SEMA3D: variants seen among roughly 807,000 people sequenced by gnomAD.
The protein encoded by SEMA3D is semaphorin-3D.
In SEMA3D, 84 loss-of-function variants were observed where a neutral mutation model predicts 100.1. The ratio of observed to expected loss-of-function variants is 0.84; its 90% CI spans 0.70 to 1.01. The LOEUF (loss-of-function observed/expected upper bound fraction) is 1.01, where lower values mean the gene tolerates loss of function less well. Ranked by LOEUF, SEMA3D falls within the 50% of genes least tolerant of loss-of-function variation. The pLI is 0.00. For missense variants in SEMA3D, 875 were observed against 934.1 expected, an observed-to-expected ratio of 0.94 and a Z score of 0.82; for synonymous variants, 312 against 320.7, an observed-to-expected ratio of 0.97 and a Z score of 0.29.
intron 4 of SEMA3D, among the ~76,000 whole-genome samples, chr7:85,095,072 C>A (rs901075810): frequency 2.0e-5 from 3 of 151,934 alleles, no homozygotes; most frequent in Non-Finnish European, 4.4e-5. Context: ...CCCCAAAAAT[C>A]TAATTAATTT....
At chr7:85,163,008 C>T (rs900489434) in intron 1 of SEMA3D, 32 of 928,306 alleles carry the variant, frequency 3.4e-5, no homozygotes, top group South Asian at 1.0e-4. Context: ...GGTGAGCTAA[C>T]GAGAAGGAAA....
intron 3 of SEMA3D, among the ~76,000 whole-genome samples, chr7:85,109,597 A>T (rs1278660693): frequency 6.6e-6 from 1 of 152,002 alleles, no homozygotes. Flanking sequence ...CCTCTTTTGA[A>T]TTAGTTGGAT....
At chr7:85,083,211 G>A (rs1050673410) in intron 4 of SEMA3D, among the ~76,000 whole-genome samples, 1 of 152,172 alleles carries the variant, frequency 6.6e-6, no homozygotes, top group Non-Finnish European at 1.5e-5. Flanking sequence ...AATGGGAAAC[G>A]AGGGGAAGGA....
Position 85,040,683 on chromosome 7 carries a change from T to C in SEMA3D, c.1036A>G (p.Thr346Ala), listed in dbSNP as rs762125454. 1.2e-5 allele frequency: 18 copies of C among 1,463,462 alleles called. No homozygotes were observed. In the East Asian group the frequency reaches 1.4e-4, roughly 11 times the overall value. The allele number at this position is 1,463,462 out of a possible 1,614,324, so 90.7% of individuals were successfully genotyped here. The change falls in exon 11 of 19, where the codon ACT (threonine) becomes GCT (alanine). Residue 346 changes from threonine to alanine, a missense_variant. By Grantham distance (58) the Thr-to-Ala change is moderately conservative (BLOSUM62 0). Coordinates refer to ENST00000284136, the MANE Select transcript of SEMA3D (RefSeq NM_001384900.1). ...TTTTGTTGAACATACCTGGTTGTAG[T>C]AAAGACTCCATATACTACAGGATTT... ...ERNPVVYGVF[T>A]TTSSIFKGSA...
rs1448935583 is a variant in SEMA3D, at chr7:84,998,999, A to G, written c.*441T>C. On this transcript the variant is annotated 3_prime_UTR_variant, in exon 19 of 19. Transcript: ENST00000284136. The stretch of plus-strand genomic sequence containing the variant: ...ATTTGTGTCTGACCTCTTATTCCCT[A>G]CCACAAGGTAGCTGGTTCTCAATAG... 6.2e-6 allele frequency: 1 copy of G among 160,676 alleles called. No individual in the cohort carries two copies. The allele number at this position is 160,676 out of a possible 1,614,324, so 10.0% of individuals were successfully genotyped here.
chr7:85,029,538 T>G (rs1790486749), intron 12 of SEMA3D: 2 of 578,408 alleles, frequency 3.5e-6, no homozygotes, highest in Non-Finnish European at 6.5e-6. Flanking sequence ...AATTTGAACA[T>G]GCACAGCAAG....
chr7:85,246,861 T>C, the SEMA3D span, among the ~76,000 whole-genome samples: 1 of 151,882 alleles, frequency 6.6e-6, no homozygotes, highest in African/African-American at 2.4e-5. Context: ...GCATCTTAAT[T>C]TTCTTGCCAC....
chr7:85,055,788 A>T lies in SEMA3D; in HGVS notation c.790T>A (p.Phe264Ile), dbSNP rs1413968163. ...NPDDDKIYFFFRESSQEGSTS... is the reference protein window; with the variant it reads ...NPDDDKIYFFIRESSQEGSTS... ...CTGCCTTCTTGAGATGATTCACGAA[A>T]GAAGAAATATATTTTATCATCATCT... Residue 264 changes from phenylalanine to isoleucine, a missense_variant, in exon 9 of 19, where the codon TTT becomes ATT. By Grantham distance (21) the Phe-to-Ile change is conservative. Transcript: ENST00000284136. The T allele has an allele frequency of 1.3e-6, 2 of 1,575,408 alleles. No homozygotes were observed. Among genetic ancestry groups the T allele is most frequent in the African/African-American group, 2.7e-5 (2 of 73,884 alleles).
intron 9 of SEMA3D, chr7:85,050,441 G>A (rs1235625474): frequency 1.3e-5 from 3 of 237,064 alleles, no homozygotes; most frequent in Admixed American, 1.1e-4. Flanking sequence ...TAAGTAGTTT[G>A]ACTGGAAAGT....
At chr7:85,228,377 A>G in the SEMA3D span, among the ~76,000 whole-genome samples, 1 of 152,136 alleles carries the variant, frequency 6.6e-6, no homozygotes. Flanking sequence ...TCATTTTTTA[A>G]AAAATATTTT....
At chr7:85,231,062 A>C in the SEMA3D span, among the ~76,000 whole-genome samples, 1 of 152,056 alleles carries the variant, frequency 6.6e-6, no homozygotes, top group Non-Finnish European at 1.5e-5. Context: ...TGTTTTCTTA[A>C]AACGTTCTTT....
chr7:85,212,625 C>T, the SEMA3D span, among the ~76,000 whole-genome samples: 802 of 151,954 alleles, frequency 5.3e-3, 9 homozygotes, highest in African/African-American at 0.019. Context: ...AAAAATGCTT[C>T]TTTTTAATAT....
Position 85,065,404 on chromosome 7 carries a change from A to G in SEMA3D, c.718+20T>C, listed in dbSNP as rs1791587495. 3 of 1,610,832 alleles carry G rather than the reference A, an allele frequency of 1.9e-6. No individual in the cohort carries two copies. Among genetic ancestry groups the G allele is most frequent in the African/African-American group, 1.3e-5 (1 of 74,822 alleles). On this transcript the variant is annotated intron_variant, in intron 8 of 18. Coordinates refer to ENST00000284136, the MANE Select transcript of SEMA3D (RefSeq NM_001384900.1). ...AACCAAAGCAAGACAATCAAAAGTA[A>G]ACAAAAAAAAATCACAAACCATTGA...
the SEMA3D span, among the ~76,000 whole-genome samples, chr7:85,234,676 T>C: frequency 1.3e-5 from 2 of 152,180 alleles, no homozygotes; most frequent in East Asian, 1.9e-4. Context: ...GAAAAAGATA[T>C]CCAGTGTAAA....
chr7:85,104,598 AAAGG>A (rs1156552679), intron 3 of SEMA3D, among the ~76,000 whole-genome samples: 1 of 152,020 alleles, frequency 6.6e-6, no homozygotes, highest in Non-Finnish European at 1.5e-5. Flanking sequence ...TTCACCCCAG[AAAGG>A]AAGGGAGTGG....
the SEMA3D span, among the ~76,000 whole-genome samples, chr7:85,194,522 TG>T: frequency 1.3e-5 from 2 of 152,176 alleles, no homozygotes; most frequent in East Asian, 3.8e-4. Context: ...ATAGCTTCAT[TG>T]TTTTCAGGTA....
chr7:85,228,461 A>C, the SEMA3D span, among the ~76,000 whole-genome samples: 3 of 152,142 alleles, frequency 2.0e-5, no homozygotes, highest in Non-Finnish European at 2.9e-5. Context: ...GATATGTAAG[A>C]CTTCACAAAT....
chr7:85,219,107 G>A, the SEMA3D span, among the ~76,000 whole-genome samples: 1 of 152,086 alleles, frequency 6.6e-6, no homozygotes, highest in African/African-American at 2.4e-5. Flanking sequence ...CAAACAATGG[G>A]TGTACAGCTT....
chr7:85,043,245 G>C (rs1397271207), intron 9 of SEMA3D, among the ~76,000 whole-genome samples: 1 of 151,960 alleles, frequency 6.6e-6, no homozygotes, highest in East Asian at 1.9e-4. Flanking sequence ...TGTAATCCCC[G>C]CTATTCAGGA....
Sources: gnomAD v4.1 joint callset for allele counts (sites outside exome capture counted in the v4.1 genomes callset) on GRCh38, gnomAD v4.1.1 for gene constraint, MANE v1.5 for transcripts, NCBI Gene and HGNC (gene_info 2026-07-23, HGNC 2026-07-21) for gene names.